RBFOX1: variants seen among roughly 807,000 people sequenced by gnomAD.
RBFOX1 encodes RNA binding protein fox-1 homolog 1.
RBFOX1 carries 8 observed loss-of-function variants against 57.7 expected under a neutral mutation model. That is an observed-to-expected ratio of 0.14 (90% CI 0.08 to 0.25). RBFOX1 has a LOEUF of 0.25. Ranked by LOEUF, RBFOX1 falls within the 10% of genes least tolerant of loss-of-function variation. The pLI, the probability that RBFOX1 is intolerant of heterozygous loss-of-function variation, is 1.00. For missense variants in RBFOX1, 611 were observed against 548.5 expected (o/e 1.11, Z -1.14); for synonymous variants, 326 against 222.4 (o/e 1.47, Z -4.15).
intron 2 of RBFOX1, among the ~76,000 whole-genome samples, chr16:5,471,175 C>G (rs8182126): frequency 1.3e-5 from 2 of 151,882 alleles, no homozygotes; most frequent in African/African-American, 4.8e-5. Flanking sequence ...CTCGGCTTTC[C>G]CAGATCCACA....
At chr16:6,497,042 T>C (rs2095791313) in intron 2 of RBFOX1, among the ~76,000 whole-genome samples, 1 of 152,236 alleles carries the variant, frequency 6.6e-6, no homozygotes, top group Non-Finnish European at 1.5e-5. Flanking sequence ...GGTTGGCTTA[T>C]ATGAGGCTCT....
At chr16:7,388,121 T>G (rs916411745) in intron 4 of RBFOX1, among the ~76,000 whole-genome samples, 1 of 152,172 alleles carries the variant, frequency 6.6e-6, no homozygotes, top group Non-Finnish European at 1.5e-5. Flanking sequence ...TAATCAGTGT[T>G]TATTGTGTTT....
At chr16:6,109,025 G>A (rs989598351) in intron 1 of RBFOX1, among the ~76,000 whole-genome samples, 2 of 152,128 alleles carry the variant, frequency 1.3e-5, no homozygotes, top group Non-Finnish European at 1.5e-5. Context: ...ATATCTTCGG[G>A]TGGCGATTAT....
At chr16:7,189,859 C>A (rs532058923) in intron 4 of RBFOX1, among the ~76,000 whole-genome samples, 37 of 152,316 alleles carry the variant, frequency 2.4e-4, no homozygotes, top group African/African-American at 8.9e-4. Context: ...TCTTGATCGC[C>A]TTTATGTCTG....
intron 3 of RBFOX1, among the ~76,000 whole-genome samples, chr16:5,825,735 C>T (rs1466848569): frequency 1.3e-5 from 2 of 150,046 alleles, no homozygotes; most frequent in Middle Eastern, 3.4e-3. Flanking sequence ...TTTCCTCCTT[C>T]CCTTATTATT....
chr16:6,374,713 G>C (rs1002462586), intron 2 of RBFOX1, among the ~76,000 whole-genome samples: 1 of 152,208 alleles, frequency 6.6e-6, no homozygotes, highest in African/African-American at 2.4e-5. Flanking sequence ...AGAACGAAGA[G>C]ACTGTTATTG....
chr16:6,828,620 A>C (rs759334004), intron 3 of RBFOX1, among the ~76,000 whole-genome samples: 2 of 152,064 alleles, frequency 1.3e-5, no homozygotes, highest in Non-Finnish European at 2.9e-5. Context: ...GCTAAGACCA[A>C]GTGGACCCAA....
intron 4 of RBFOX1, among the ~76,000 whole-genome samples, chr16:7,176,768 A>G (rs2081745503): frequency 6.6e-6 from 1 of 152,228 alleles, no homozygotes; most frequent in African/African-American, 2.4e-5. Flanking sequence ...GACAGACACG[A>G]CACATATAAA....
At chr16:7,289,289 T>A (rs2095712676) in intron 4 of RBFOX1, among the ~76,000 whole-genome samples, 1 of 152,174 alleles carries the variant, frequency 6.6e-6, no homozygotes, top group Admixed American at 6.5e-5. Flanking sequence ...TCCCTTTGTT[T>A]CTAGCCTAAG....
intron 11 of RBFOX1, among the ~76,000 whole-genome samples, chr16:7,652,657 C>T (rs770010872): frequency 1.8e-4 from 28 of 152,206 alleles, no homozygotes; most frequent in Non-Finnish European, 3.4e-4. Context: ...CCACCTGCCT[C>T]AGCCTCCCAA....
chr16:6,464,202 A>T (rs1168243107), intron 2 of RBFOX1, among the ~76,000 whole-genome samples: 1 of 152,234 alleles, frequency 6.6e-6, no homozygotes, highest in Admixed American at 6.5e-5. Flanking sequence ...TACAACTTGA[A>T]TTGGCAAAGA....
Position 6,738,203 on chromosome 16 carries a change from C to CTGTA in RBFOX1, c.-16+83554_-16+83557dup, listed in dbSNP as rs2070971858. On this transcript the variant is annotated intron_variant, in intron 3 of 15. Coordinates refer to ENST00000550418, the MANE Select transcript of RBFOX1 (RefSeq NM_018723.4). ...ACATGGAACAATGGTTTGCATAACA[C>CTGTA]TGTACATCAAATAGTAATGGACAGC... Among the ~76,000 whole-genome samples the CTGTA allele has an allele frequency of 2.0e-5, 3 of 152,174 alleles. No individual in the cohort carries two copies. In the South Asian group the frequency reaches 6.2e-4, roughly 32 times the overall value.
chr16:7,011,870 C>T (rs950112693), intron 3 of RBFOX1, among the ~76,000 whole-genome samples: 6 of 152,156 alleles, frequency 3.9e-5, no homozygotes, highest in African/African-American at 1.2e-4. Flanking sequence ...AGTGGGATGC[C>T]TTTGGATGAT....
At chr16:6,871,772 C>G (rs371171492) in intron 3 of RBFOX1, among the ~76,000 whole-genome samples, 1 of 152,084 alleles carries the variant, frequency 6.6e-6, no homozygotes, top group African/African-American at 2.4e-5. Context: ...TCTACTCTAC[C>G]TTCCGCTGAT....
intron 2 of RBFOX1, among the ~76,000 whole-genome samples, chr16:6,564,465 CAAACAA>C (rs2097228315): frequency 9.6e-6 from 1 of 104,328 alleles, no homozygotes; most frequent in East Asian, 4.1e-4. Context: ...GTCTCAAAAA[CAAACAA>C]AAACAAACAA....
chr16:5,317,418 G>C (rs943451352), intron 1 of RBFOX1, among the ~76,000 whole-genome samples: 3 of 152,158 alleles, frequency 2.0e-5, no homozygotes, highest in Non-Finnish European at 4.4e-5. Flanking sequence ...AGCCAGCCTG[G>C]CCAACATGGT....
intron 4 of RBFOX1, among the ~76,000 whole-genome samples, chr16:7,416,316 C>A (rs984289112): frequency 6.6e-6 from 1 of 152,198 alleles, no homozygotes; most frequent in African/African-American, 2.4e-5. Context: ...AGCTTACGGA[C>A]AAGTCAAAGC....
chr16:6,198,903 T>C (rs945048637), intron 1 of RBFOX1, among the ~76,000 whole-genome samples: 9 of 152,212 alleles, frequency 5.9e-5, no homozygotes, highest in South Asian at 2.1e-4. Flanking sequence ...GGTTTTTTTT[T>C]CCCTATCATC....
chr16:7,467,884 G>A (rs2060820355), intron 4 of RBFOX1, among the ~76,000 whole-genome samples: 1 of 152,192 alleles, frequency 6.6e-6, no homozygotes, highest in Admixed American at 6.5e-5. Context: ...ATCTGATTCA[G>A]CCCAAGAACT....
Sources: gnomAD v4.1 joint callset for allele counts (sites outside exome capture counted in the v4.1 genomes callset) on GRCh38, gnomAD v4.1.1 for gene constraint, MANE v1.5 for transcripts, NCBI Gene and HGNC (gene_info 2026-07-23, HGNC 2026-07-21) for gene names.